Variants in BCAR1 observed in about 807,000 individuals in gnomAD.
The protein encoded by BCAR1 is BCAR1 scaffold protein, Cas family member, also known as breast cancer anti-estrogen resistance protein 1.
BCAR1 carries 30 observed loss-of-function variants against 67.6 expected under a neutral mutation model. That is an observed-to-expected ratio of 0.44 (90% CI 0.33 to 0.60). The LOEUF is 0.60. BCAR1 is among the 20% of genes least tolerant of loss of function. The pLI, the probability that BCAR1 is intolerant of heterozygous loss-of-function variation, is 0.02. For synonymous variants in BCAR1, 626 were observed against 556.7 expected, an observed-to-expected ratio of 1.12 and a Z score of -1.75; for missense variants, 1,313 against 1,222.3, an observed-to-expected ratio of 1.07 and a Z score of -1.11.
intron 1 of BCAR1, among the ~76,000 whole-genome samples, chr16:75,262,402 C>T (rs1377290074): frequency 1.3e-5 from 2 of 152,194 alleles, no homozygotes; most frequent in African/African-American, 2.4e-5. Context: ...TGGCAGACGG[C>T]GCCGGGAAGG....
At chr16:75,240,376 T>TAATGAAGGC (rs938764828) in intron 2 of BCAR1, among the ~76,000 whole-genome samples, 2 of 152,114 alleles carry the variant, frequency 1.3e-5, no homozygotes, top group African/African-American at 4.8e-5. Flanking sequence ...CGTGCCACCG[T>TAATGAAGGC]AATGAAGGCA....
chr16:75,247,827 C>T (rs555078928), intron 1 of BCAR1: 45 of 574,792 alleles, frequency 7.8e-5, no homozygotes, highest in South Asian at 4.5e-4. Context: ...CCTCAGCACC[C>T]GCAAGCCAGC....
intron 1 of BCAR1, chr16:75,263,404 C>G: frequency 3.0e-6 from 3 of 985,432 alleles, no homozygotes; most frequent in Non-Finnish European, 3.6e-6. Context: ...GAGAGGAAGG[C>G]ATGGGAATAC....
At chr16:75,242,006 T>C (rs193212056) in intron 2 of BCAR1, among the ~76,000 whole-genome samples, 6 of 152,262 alleles carry the variant, frequency 3.9e-5, no homozygotes, top group African/African-American at 1.2e-4. Flanking sequence ...CCCTAGCATG[T>C]TCCATAAGTG....
chr16:75,251,383 C>T, intron 1 of BCAR1, 88 bp downstream of exon 1: 1 of 1,451,954 alleles, frequency 6.9e-7, no homozygotes, highest in Non-Finnish European at 9.1e-7. Context: ...CCCCGCAGGT[C>T]CGGCAGGAAA....
Position 75,243,034 on chromosome 16 carries a change from G to A in BCAR1, c.69C>T (p.Ser23=), listed in dbSNP as rs1254268756. The A allele has an allele frequency of 1.2e-6, 2 of 1,610,730 alleles. No homozygotes were observed. Among genetic ancestry groups the A allele is most frequent in the Middle Eastern group, 1.7e-4 (1 of 6,048 alleles). Residue 23 remains serine, a synonymous_variant, in exon 2 of 7, where the codon TCC becomes TCT. Transcript: ENST00000162330. The part of the protein sequence containing the change: ...DNVAESPDEL[S]FRKGDIMTVL... ...CCGTCATGATGTCACCCTTGCGGAA[G>A]GAGAGCTCATCCGGGGACTCGGCCA...
chr16:75,257,978 C>A (rs1337060956), intron 1 of BCAR1, among the ~76,000 whole-genome samples: 1 of 152,204 alleles, frequency 6.6e-6, no homozygotes, highest in East Asian at 1.9e-4. Flanking sequence ...TTCAGTTTGC[C>A]CATCTGTTAA....
rs766545747 is a variant in BCAR1, at chr16:75,229,937, G to C, written c.2187C>G (p.Ala729=). ...LANWTPAQPL[A]PGRTGGLGPS... ...GCCCCAGGCCGCCTGTTCGCCCCGG[G>C]GCCAGGGGTTGGGCTGGCGTCCAGT... Residue 729 remains alanine (A), a synonymous_variant, in exon 7 of 7, where the codon GCC becomes GCG. Transcript: ENST00000162330. 1 of 1,604,736 alleles carries C rather than the reference G, an allele frequency of 6.2e-7. No individual in the cohort carries two copies. Among genetic ancestry groups the C allele is most frequent in the Non-Finnish European group, 8.5e-7 (1 of 1,173,536 alleles).
intron 6 of BCAR1, 64 bp downstream of exon 6, chr16:75,233,782 C>T (rs908656322): frequency 1.3e-6 from 2 of 1,511,284 alleles, no homozygotes; most frequent in East Asian, 2.4e-5. Context: ...CCCTGCAGGG[C>T]AAGAGCTGGG....
At chr16:75,249,212 G>C (rs1394911498) in intron 1 of BCAR1, 1 of 152,376 alleles carries the variant, frequency 6.6e-6, no homozygotes, top group African/African-American at 2.4e-5. Flanking sequence ...TTGGCAGAGA[G>C]CTCGGTGTGA....
At chr16:75,251,099 G>A (rs534676800) in intron 1 of BCAR1, among the ~76,000 whole-genome samples, 1 of 152,174 alleles carries the variant, frequency 6.6e-6, no homozygotes, top group East Asian at 1.9e-4. Flanking sequence ...GAGGCTCAAC[G>A]GCCCCTCCTC....
At chr16:75,253,789 A>C (rs1036835307), upstream of BCAR1, among the ~76,000 whole-genome samples, 2 of 152,010 alleles carry the variant, frequency 1.3e-5, no homozygotes, top group Non-Finnish European at 2.9e-5. Flanking sequence ...GCCGGGGTAT[A>C]TGGGGGCAGA....
chr16:75,252,444 C>T (rs2077701173), upstream of BCAR1: 1 of 1,429,656 alleles, frequency 7.0e-7, no homozygotes, highest in East Asian at 2.5e-5. Flanking sequence ...CGGGGGAAAC[C>T]GAGTGGAGAC....
Position 75,229,627 on chromosome 16 carries a change from C to T in BCAR1, c.2497G>A (p.Ala833Thr), listed in dbSNP as rs371724369. The stretch of plus-strand genomic sequence containing the variant: ...GAAGGCGATGGGTACTGCAAGGCAG[C>T]GGCCTTGGTGGTGGCCACGATGCCG... ...LRGIVATTKA[A>T]ALQYPSPSAA... is the part of the protein sequence containing the mutation. The change falls in exon 7 of 7, where the codon GCT (alanine) becomes ACT (threonine). Residue 833 changes from alanine to threonine, a missense_variant. Physicochemically the swap from Ala to Thr is moderately conservative, Grantham distance 58 (BLOSUM62 0). Coordinates refer to ENST00000162330, the MANE Select transcript of BCAR1 (RefSeq NM_014567.5). The T allele has an allele frequency of 3.7e-6, 6 of 1,612,058 alleles. No individual in the cohort carries two copies. Among genetic ancestry groups the T allele is most frequent in the South Asian group, 3.3e-5 (3 of 90,990 alleles).
intron 1 of BCAR1, among the ~76,000 whole-genome samples, chr16:75,245,372 G>C (rs1649404528): frequency 6.6e-6 from 1 of 152,242 alleles, no homozygotes; most frequent in African/African-American, 2.4e-5. Flanking sequence ...TGGGGGTTTA[G>C]ACAGAGGGGA....
chr16:75,229,061 G>A lies in BCAR1; in HGVS notation c.*450C>T, dbSNP rs1297253754. Reference sequence around the variant, plus strand: ...TCCTTTTAAAAACTTTATTTAAATGGAGACTCTTAGTCAAATGATTGGAAA... The same window carrying A: ...TCCTTTTAAAAACTTTATTTAAATGAAGACTCTTAGTCAAATGATTGGAAA... On this transcript the variant is annotated 3_prime_UTR_variant, in exon 7 of 7. Coordinates refer to ENST00000162330, the MANE Select transcript of BCAR1 (RefSeq NM_014567.5). The A allele has an allele frequency of 6.4e-6, 1 of 156,448 alleles. No individual in the cohort carries two copies. Among genetic ancestry groups the A allele is most frequent in the Non-Finnish European group, 1.4e-5 (1 of 71,248 alleles). The allele number at this position is 156,448 out of a possible 1,614,324, so 9.7% of individuals were successfully genotyped here. A position where few individuals can be genotyped will look rare whatever the true frequency, so the allele number is the denominator to read the frequency against.
At chr16:75,258,331 C>T (rs150105732) in intron 1 of BCAR1, among the ~76,000 whole-genome samples, 1 of 152,210 alleles carries the variant, frequency 6.6e-6, no homozygotes, top group African/African-American at 2.4e-5. Flanking sequence ...CAGATCCACC[C>T]GCCAACACTG....
intron 6 of BCAR1, among the ~76,000 whole-genome samples, chr16:75,232,641 G>C (rs1012442649): frequency 6.6e-6 from 1 of 152,174 alleles, no homozygotes; most frequent in Admixed American, 6.5e-5. Flanking sequence ...GTGCAGTTTT[G>C]TTATGTGGGT....
chr16:75,242,600 G>T lies in BCAR1; in HGVS notation c.503C>A (p.Pro168His). 1 of 1,495,708 alleles carries T rather than the reference G, an allele frequency of 6.7e-7. No homozygotes were observed. Among genetic ancestry groups the T allele is most frequent in the Non-Finnish European group, 8.9e-7 (1 of 1,123,364 alleles). The allele number at this position is 1,495,708 out of a possible 1,614,324, so 92.7% of individuals were successfully genotyped here. Residue 168 changes from proline (P) to histidine (H), a missense_variant, in exon 2 of 7, where the codon CCC (proline) becomes CAC (histidine). Pro to His is a moderately conservative substitution (Grantham distance 77). Coordinates refer to ENST00000162330, the MANE Select transcript of BCAR1 (RefSeq NM_014567.5). The stretch of plus-strand genomic sequence containing the variant: ...CTGGGCAGGGCCTCCAGGCCCTGGG[G>T]GCACCTGGTACAGGTCTGTGGCCGG... ...PSPATDLYQV[P>H]PGPGGPAQDI...
Sources: gnomAD v4.1 joint callset for allele counts (sites outside exome capture counted in the v4.1 genomes callset) on GRCh38, gnomAD v4.1.1 for gene constraint, MANE v1.5 for transcripts, NCBI Gene and HGNC (gene_info 2026-07-23, HGNC 2026-07-21) for gene names.